The following ACAD9 variants were observed in gnomAD, a reference collection of about 807,000 sequenced individuals.
The protein encoded by ACAD9 is acyl-CoA dehydrogenase family member 9, also known as complex I assembly factor ACAD9, mitochondrial.
In ACAD9, 53 loss-of-function variants were observed where a neutral mutation model predicts 70.2. The ratio of observed to expected loss-of-function variants is 0.75; its 90% CI spans 0.61 to 0.95. ACAD9 has a LOEUF of 0.95. ACAD9 is among the 40% of genes least tolerant of loss of function. The probability of loss-of-function intolerance (pLI) is 0.00; values close to 1 mark genes in which losing one functional copy is unlikely to be tolerated. For synonymous variants in ACAD9, 313 were observed against 312.1 expected (o/e 1.00, Z -0.03); for missense variants, 777 against 802.8 (o/e 0.97, Z 0.39).
chr3:128,889,415 A>G (rs1935348244), intron 2 of ACAD9, among the ~76,000 whole-genome samples: 1 of 152,178 alleles, frequency 6.6e-6, no homozygotes, highest in African/African-American at 2.4e-5. Flanking sequence ...TCTGATGTTC[A>G]TACAGGGAGA....
chr3:128,883,291 C>T (rs1214412166), intron 1 of ACAD9, among the ~76,000 whole-genome samples: 3 of 151,924 alleles, frequency 2.0e-5, no homozygotes, highest in Non-Finnish European at 4.4e-5. Context: ...AATCCCCCTG[C>T]GTCAGCTTCC....
At chr3:128,901,433 GT>G in intron 8 of ACAD9, 84 bp downstream of exon 8, 1 of 1,420,008 alleles carries the variant, frequency 7.0e-7, no homozygotes, top group Non-Finnish European at 1.0e-6. Flanking sequence ...ATCCCTGCTC[GT>G]AGCAGAGTAG....
intron 7 of ACAD9, among the ~76,000 whole-genome samples, chr3:128,900,538 T>C (rs1935708533): frequency 6.6e-6 from 1 of 151,752 alleles, no homozygotes; most frequent in African/African-American, 2.4e-5. Flanking sequence ...TTTTTTTTTT[T>C]TTTAAATAGA....
rs955996347 is a variant in ACAD9 at position 128,892,970 on chromosome 3, G to T, written c.245-585G>T. On this transcript the variant is annotated intron_variant, in intron 2 of 17. Transcript: ENST00000308982. Reference sequence around the variant, plus strand: ...ATCCCATGAATGTATATAATTTGCTGCTGTTTTACACAGCAAAAGCACCCC... The same window carrying T: ...ATCCCATGAATGTATATAATTTGCTTCTGTTTTACACAGCAAAAGCACCCC... 5.4e-4 allele frequency among the ~76,000 whole-genome samples: 82 copies of T among 152,154 alleles called. 1 individual carries two copies. Among genetic ancestry groups the T allele is most frequent in the Non-Finnish European group, 2.8e-4 (19 of 68,022 alleles).
intron 12 of ACAD9, among the ~76,000 whole-genome samples, chr3:128,906,546 AGT>A (rs1935897160): frequency 1.3e-5 from 2 of 152,206 alleles, no homozygotes; most frequent in African/African-American, 4.8e-5. Context: ...GAGATGACAG[AGT>A]GTAAAGAGGC....
rs150156040 is a variant in ACAD9 at position 128,896,035 on chromosome 3, G to A, written c.454-401G>A. Among the ~76,000 whole-genome samples the A allele has an allele frequency of 3.8e-3, 586 of 152,332 alleles. 1 individual carries two copies. Among genetic ancestry groups the A allele is most frequent in the African/African-American group, 0.013 (555 of 41,578 alleles). On this transcript the variant is annotated intron_variant, in intron 4 of 17. Transcript: ENST00000308982. ...TGAGCACCTTCTTTAGGATAGGCTT[G>A]GTTCCAGCACTCCTGTGTCTTCACA...
At chr3:128,888,440 G>A (rs1935316835) in intron 2 of ACAD9, among the ~76,000 whole-genome samples, 1 of 152,096 alleles carries the variant, frequency 6.6e-6, no homozygotes, top group Non-Finnish European at 1.5e-5. Context: ...TTAACCAGGT[G>A]TGTTGGTGCC....
intron 2 of ACAD9, among the ~76,000 whole-genome samples, chr3:128,888,673 G>A (rs540177883): frequency 6.6e-6 from 1 of 151,850 alleles, no homozygotes; most frequent in East Asian, 1.9e-4. Flanking sequence ...ATTGTCAGCT[G>A]TCATTACATT....
chr3:128,906,302 C>G, intron 12 of ACAD9, 53 bp downstream of exon 12: 2 of 1,609,802 alleles, frequency 1.2e-6, no homozygotes, highest in Non-Finnish European at 1.7e-6. Flanking sequence ...CCTGCCTGGT[C>G]CTAAAGATGC....
chr3:128,909,275 C>T, intron 14 of ACAD9, 69 bp from the exon 15 acceptor site: 1 of 1,602,288 alleles, frequency 6.2e-7, no homozygotes, highest in Non-Finnish European at 8.6e-7. Context: ...TGCCTGGTAC[C>T]CGGGCTGTGA....
In ACAD9 at chr3:128,909,327, C is replaced by CCTGT; in HGVS notation, c.1486-14_1486-11dup. On this transcript the variant is annotated splice_polypyrimidine_tract_variant and intron_variant, in intron 14 of 17. Transcript: ENST00000308982. ...GTAGGGATGAGGTGCTGAACTGAGT[C>CCTGT]CTGTCTTGGTTAATAGGACAGTGCC... The CCTGT allele has an allele frequency of 6.2e-7, 1 of 1,614,040 alleles. No homozygotes were observed. The highest frequency in any genetic ancestry group is 1.3e-5 in the African/African-American group (1 of 75,050).
chr3:128,897,754 C>T (rs1935607546), intron 6 of ACAD9, 44 bp downstream of exon 6: 1 of 1,554,144 alleles, frequency 6.4e-7, no homozygotes, highest in Admixed American at 1.7e-5. Flanking sequence ...TCAGTCACAA[C>T]CTTCACTGCC....
chr3:128,884,004 A>G (rs789231), intron 1 of ACAD9, among the ~76,000 whole-genome samples: 59,792 of 151,996 alleles, frequency 0.39, 13,564 homozygotes, highest in African/African-American at 0.62. Flanking sequence ...CATGCTGGCA[A>G]TTGAAGGGGT....
chr3:128,910,662 C>CTGAT lies in ACAD9; in HGVS notation c.1693-78_1693-75dup, dbSNP rs3830293. The CTGAT allele has an allele frequency of 0.23, 345,640 of 1,503,362 alleles. 43,025 individuals carry two copies. The highest frequency in any genetic ancestry group is 0.57 in the East Asian group (25,148 of 44,276). 93.1% of individuals were successfully genotyped at this position (1,503,362 alleles called of 1,614,324 possible). A position where few individuals can be genotyped will look rare whatever the true frequency, so the allele number is the denominator to read the frequency against. On this transcript the variant is annotated intron_variant, in intron 16 of 17. Coordinates refer to ENST00000308982, the MANE Select transcript of ACAD9 (RefSeq NM_014049.5). ...ACCCCTGCCATGCTACCCAGTTTGGCTGATAGGCTGGGTTTTTGAAGCTCA... is the reference window on the plus strand; with the variant it reads ...ACCCCTGCCATGCTACCCAGTTTGGCTGATTGATAGGCTGGGTTTTTGAAGCTCA...
rs1176801299 is a variant in ACAD9 at position 128,902,517 on chromosome 3, T to C, written c.883-36T>C. ...GTTGCGGCCTCCTCCCTCTGCCTCC[T>C]TCAGGGCCCCTGGGCTCTCCCTGTT... is the stretch of plus-strand genomic sequence containing the variant. On this transcript the variant is annotated intron_variant, in intron 8 of 17. Coordinates refer to ENST00000308982, the MANE Select transcript of ACAD9 (RefSeq NM_014049.5). This position sits in a 1 kb window ranked among gnomAD's most constrained non-coding sequence, Gnocchi z 4.0. 3 of 1,613,454 alleles carry C rather than the reference T, an allele frequency of 1.9e-6. No individual in the cohort carries two copies. The highest frequency in any genetic ancestry group is 2.2e-5 in the East Asian group (1 of 44,880).
chr3:128,904,468 G>C lies in ACAD9; in HGVS notation c.1112G>C (p.Gly371Ala). 1 of 1,614,198 alleles carries C rather than the reference G, an allele frequency of 6.2e-7. No homozygotes were observed. The highest frequency in any genetic ancestry group is 1.7e-5 in the Admixed American group (1 of 60,030). Reference protein sequence around the residue: ...YLTAGMLDQPGFPDCSIEAAM... With the variant: ...YLTAGMLDQPAFPDCSIEAAM... ...ACAGCAGGGATGCTGGACCAACCTGGCTTTCCCGACTGCTCCATCGAGGCA... is the reference window on the plus strand; with the variant it reads ...ACAGCAGGGATGCTGGACCAACCTGCCTTTCCCGACTGCTCCATCGAGGCA... The change falls in exon 11 of 18, where the codon GGC becomes GCC. Residue 371 changes from glycine to alanine, a missense_variant. Transcript: ENST00000308982.
Position 128,900,399 on chromosome 3 carries a change from G to A in ACAD9, c.809-877G>A, listed in dbSNP as rs556843137. On this transcript the variant is annotated intron_variant, in intron 7 of 17. Transcript: ENST00000308982. ...ACTACAGCTGCCTGCCACCACGTCC[G>A]GCTAATTTTTTCTATTTTTTAGTGG... Among the ~76,000 whole-genome samples, 9 of 152,174 alleles carry A rather than the reference G, an allele frequency of 5.9e-5. No individual in the cohort carries two copies. In the South Asian group the frequency reaches 1.7e-3, roughly 28 times the overall value.
At chr3:128,895,956 AG>A (rs1262627257) in intron 4 of ACAD9, among the ~76,000 whole-genome samples, 1 of 152,200 alleles carries the variant, frequency 6.6e-6, no homozygotes, top group African/African-American at 2.4e-5. Context: ...TTTAGTGAAG[AG>A]GGGGACTGTC....
chr3:128,898,502 C>G (rs757279035), intron 6 of ACAD9: 3 of 408,146 alleles, frequency 7.4e-6, no homozygotes, highest in African/African-American at 2.6e-5. Flanking sequence ...ACTTCCTGGG[C>G]TCAGGTGATT....
Sources: gnomAD v4.1 joint callset for allele counts (sites outside exome capture counted in the v4.1 genomes callset) on GRCh38, gnomAD v4.1.1 for gene constraint, Gnocchi (gnomAD v3.1) non-coding constraint, MANE v1.5 for transcripts, NCBI Gene and HGNC (gene_info 2026-07-23, HGNC 2026-07-21) for gene names.